The following ROBO2 variants were observed in gnomAD, a reference collection of about 807,000 sequenced individuals.
ROBO2 encodes the protein roundabout homolog 2.
A neutral mutation model predicts 160.8 loss-of-function variants in ROBO2; 53 were observed. The observed-to-expected ratio is 0.33, with a 90% confidence interval of 0.26 to 0.41. The LOEUF (loss-of-function observed/expected upper bound fraction) is 0.41, where lower values mean the gene tolerates loss of function less well. Ranked by LOEUF, ROBO2 falls within the 10% of genes least tolerant of loss-of-function variation. The pLI, the probability that ROBO2 is intolerant of heterozygous loss-of-function variation, is 1.00. For missense variants in ROBO2, 1,577 were observed against 1,722.4 expected (o/e 0.92, Z 1.49); for synonymous variants, 664 against 611.7 (o/e 1.09, Z -1.26).
intron 2 of ROBO2, among the ~76,000 whole-genome samples, chr3:76,752,670 T>C (rs1446050705): frequency 6.6e-6 from 1 of 151,874 alleles, no homozygotes; most frequent in Non-Finnish European, 1.5e-5. Context: ...AGGTTTGCTA[T>C]GAAAAAGAGT....
At chr3:75,923,547 G>A (rs2106854898) in intron 1 of ROBO2, among the ~76,000 whole-genome samples, 1 of 152,260 alleles carries the variant, frequency 6.6e-6, no homozygotes, top group African/African-American at 2.4e-5. Context: ...CCTCAGAGAA[G>A]TCACTTATCA....
chr3:75,975,762 G>GT (rs2065118539), intron 2 of ROBO2, among the ~76,000 whole-genome samples: 1 of 151,528 alleles, frequency 6.6e-6, no homozygotes, highest in African/African-American at 2.4e-5. Context: ...GATTATGTGT[G>GT]TATCTGTGAT....
chr3:77,238,443 ACCATTTATCC>A (rs1346332454), intron 2 of ROBO2, among the ~76,000 whole-genome samples: 1 of 152,126 alleles, frequency 6.6e-6, no homozygotes, highest in Admixed American at 6.5e-5. Flanking sequence ...CCTTTTTGAT[ACCATTTATCC>A]CTGAAAATAA....
intron 25 of ROBO2, among the ~76,000 whole-genome samples, chr3:77,645,347 T>C (rs1445239083): frequency 6.6e-6 from 1 of 152,198 alleles, no homozygotes; most frequent in Non-Finnish European, 1.5e-5. Context: ...AGTTGATCTT[T>C]GATTGTTAAT....
At chr3:76,870,996 C>T (rs1242855916) in intron 2 of ROBO2, among the ~76,000 whole-genome samples, 1 of 152,066 alleles carries the variant, frequency 6.6e-6, no homozygotes, top group Non-Finnish European at 1.5e-5. Context: ...GCTATTTAGC[C>T]CTCTGCCAAT....
intron 2 of ROBO2, among the ~76,000 whole-genome samples, chr3:76,652,420 C>G (rs2091296427): frequency 6.6e-6 from 1 of 152,134 alleles, no homozygotes; most frequent in Non-Finnish European, 1.5e-5. Context: ...CTTGAGCTCA[C>G]TCATTTTATA....
intron 2 of ROBO2, among the ~76,000 whole-genome samples, chr3:77,289,227 G>C (rs1055988208): frequency 6.6e-6 from 1 of 152,116 alleles, no homozygotes; most frequent in Non-Finnish European, 1.5e-5. Context: ...GCAGTTTTTA[G>C]CCAGATTGTA....
intron 2 of ROBO2, among the ~76,000 whole-genome samples, chr3:76,662,325 TA>T (rs886089119): frequency 2.0e-5 from 3 of 152,086 alleles, no homozygotes; most frequent in African/African-American, 7.2e-5. Context: ...ATTACTTCTT[TA>T]AAAAAAATTT....
intron 2 of ROBO2, among the ~76,000 whole-genome samples, chr3:76,680,372 A>G (rs2092526733): frequency 7.1e-6 from 1 of 140,846 alleles, no homozygotes; most frequent in African/African-American, 2.7e-5. Flanking sequence ...AAAAAAAAAA[A>G]AACGGCGAAC....
intron 2 of ROBO2, among the ~76,000 whole-genome samples, chr3:76,567,797 G>GTGTA (rs1260549103): frequency 4.6e-4 from 33 of 72,448 alleles, no homozygotes; most frequent in Non-Finnish European, 6.9e-4. Context: ...GTGTGTGTGT[G>GTGTA]TATATATATA....
chr3:77,277,286 A>G (rs746348880), intron 2 of ROBO2, among the ~76,000 whole-genome samples: 1 of 128,688 alleles, frequency 7.8e-6, no homozygotes, highest in Non-Finnish European at 1.7e-5. Flanking sequence ...AGTTCATTGC[A>G]TTTTTTGTCT....
At chr3:76,121,096 G>T (rs1480267611) in intron 2 of ROBO2, among the ~76,000 whole-genome samples, 1 of 152,072 alleles carries the variant, frequency 6.6e-6, no homozygotes. Flanking sequence ...TGAAAGAGAG[G>T]CAATGAAATT....
At chr3:76,990,836 G>A (rs1333185791) in intron 2 of ROBO2, among the ~76,000 whole-genome samples, 2 of 152,108 alleles carry the variant, frequency 1.3e-5, no homozygotes, top group African/African-American at 4.8e-5. Flanking sequence ...ACCTTCTAGG[G>A]ACATTCGGCT....
intron 2 of ROBO2, among the ~76,000 whole-genome samples, chr3:77,406,310 G>A (rs1343162715): frequency 6.6e-6 from 1 of 152,138 alleles, no homozygotes; most frequent in East Asian, 1.9e-4. Flanking sequence ...ATTATAATTC[G>A]AGATGAGATT....
intron 2 of ROBO2, among the ~76,000 whole-genome samples, chr3:76,605,166 T>C (rs1026621057): frequency 6.6e-6 from 1 of 152,160 alleles, no homozygotes; most frequent in African/African-American, 2.4e-5. Context: ...GCTAAACATT[T>C]CCATTAGTAG....
intron 2 of ROBO2, among the ~76,000 whole-genome samples, chr3:76,463,388 T>A (rs929983633): frequency 3.2e-4 from 49 of 151,862 alleles, no homozygotes; most frequent in African/African-American, 1.1e-3. Context: ...AAAAACAAAA[T>A]AAAAAAAACT....
intron 2 of ROBO2, among the ~76,000 whole-genome samples, chr3:76,633,626 C>T (rs2090153844): frequency 1.3e-5 from 2 of 152,292 alleles, no homozygotes; most frequent in South Asian, 4.1e-4. Context: ...ATTCACTACA[C>T]CAAGAAATGG....
chr3:77,016,899 CAT>C (rs1054650604), intron 2 of ROBO2, among the ~76,000 whole-genome samples: 3 of 152,158 alleles, frequency 2.0e-5, no homozygotes, highest in African/African-American at 7.2e-5. Flanking sequence ...CGGAAATACA[CAT>C]CTCAGAATAT....
At chr3:76,074,704 A>G (rs1576750211) in intron 2 of ROBO2, among the ~76,000 whole-genome samples, 1 of 152,284 alleles carries the variant, frequency 6.6e-6, no homozygotes, top group East Asian at 1.9e-4. Context: ...AAAATATAAG[A>G]CTGTTCATAG....
Sources: allele counts gnomAD v4.1 joint callset (sites outside exome capture counted in the v4.1 genomes callset), GRCh38; gene constraint gnomAD v4.1.1; transcripts MANE v1.5; gene names NCBI Gene and HGNC (gene_info 2026-07-23, HGNC 2026-07-21).